Variants in RFTN1 observed in about 807,000 individuals in gnomAD.
The protein encoded by RFTN1 is raftlin, lipid raft linker 1.
Under a neutral mutation model 46.5 loss-of-function variants are expected in RFTN1, and 26 were observed. The ratio of observed to expected loss-of-function variants is 0.56; its 90% CI spans 0.41 to 0.78. The LOEUF (loss-of-function observed/expected upper bound fraction) is 0.78, where lower values mean the gene tolerates loss of function less well. RFTN1 is among the 30% of genes least tolerant of loss of function. The pLI is 0.00. For missense variants in RFTN1, 693 were observed against 718.7 expected (o/e 0.96, Z 0.41); for synonymous variants, 261 against 284.2 (o/e 0.92, Z 0.82).
In RFTN1 at chr3:16,406,390, C is replaced by T. The variant is rs143483002; in HGVS notation, c.441+2985G>A. Among the ~76,000 whole-genome samples the T allele has an allele frequency of 1.5e-3, 230 of 152,220 alleles. 2 individuals carry two copies. Among genetic ancestry groups the T allele is most frequent in the African/African-American group, 5.2e-3 (217 of 41,526 alleles). ...CAGCCCTGTCCACTAACAGACAATG[C>T]GGGGGCAAACGGTGGGGCAACCTCA... On this transcript the variant is annotated intron_variant, in intron 4 of 9. Transcript: ENST00000334133.
At chr3:16,403,651 TAATA>T (rs1464069017) in intron 4 of RFTN1, among the ~76,000 whole-genome samples, 7 of 50,240 alleles carry the variant, frequency 1.4e-4, no homozygotes, top group African/African-American at 6.0e-4. Context: ...AATATATATA[TAATA>T]TATATTTTAT....
At chr3:16,367,810 C>T (rs1369165500) in intron 6 of RFTN1, among the ~76,000 whole-genome samples, 2 of 152,152 alleles carry the variant, frequency 1.3e-5, no homozygotes, top group African/African-American at 2.4e-5. Context: ...GGTAGAGGAA[C>T]AGCAAATGGG....
At chr3:16,397,946 TC>T (rs1283589339) in intron 4 of RFTN1, among the ~76,000 whole-genome samples, 1 of 152,118 alleles carries the variant, frequency 6.6e-6, no homozygotes, top group African/African-American at 2.4e-5. Context: ...GAGCCTTGAC[TC>T]TTTTAAGAAG....
At chr3:16,405,836 C>T (rs1212271759) in intron 4 of RFTN1, among the ~76,000 whole-genome samples, 1 of 152,170 alleles carries the variant, frequency 6.6e-6, no homozygotes, top group Non-Finnish European at 1.5e-5. Flanking sequence ...ATTACCATCT[C>T]ATCCTAAGAT....
chr3:16,409,345 C>CT (rs780922590), intron 4 of RFTN1, 30 bp downstream of exon 4: 24 of 1,475,996 alleles, frequency 1.6e-5, no homozygotes, highest in Non-Finnish European at 2.3e-5. Context: ...TCGCAAACCT[C>CT]TTCAATGGTA....
At chr3:16,378,765 A>C (rs1283881719) in intron 4 of RFTN1, among the ~76,000 whole-genome samples, 2 of 150,636 alleles carry the variant, frequency 1.3e-5, no homozygotes, top group Non-Finnish European at 2.9e-5. Context: ...GCCCACAGCC[A>C]CAGACTGACT....
chr3:16,324,224 G>C (rs1574960503), intron 8 of RFTN1, among the ~76,000 whole-genome samples: 1 of 152,032 alleles, frequency 6.6e-6, no homozygotes, highest in African/African-American at 2.4e-5. Flanking sequence ...TTACAATGTG[G>C]ACTGATTAAA....
At chr3:16,467,931 T>C (rs1559361920) in intron 2 of RFTN1, among the ~76,000 whole-genome samples, 1 of 152,112 alleles carries the variant, frequency 6.6e-6, no homozygotes, top group Admixed American at 6.5e-5. Flanking sequence ...AGAGTACACT[T>C]TGGGGAAAGA....
intron 2 of RFTN1, among the ~76,000 whole-genome samples, chr3:16,445,115 A>G (rs931271792): frequency 3.9e-5 from 6 of 152,236 alleles, no homozygotes; most frequent in Non-Finnish European, 1.5e-5. Context: ...ATGTTAAGTG[A>G]GGACTTACTA....
chr3:16,329,888 G>A lies in RFTN1; in HGVS notation c.1147-3012C>T, dbSNP rs958941954. Among the ~76,000 whole-genome samples the A allele has an allele frequency of 2.0e-5, 3 of 152,080 alleles. No homozygotes were observed. The highest frequency in any genetic ancestry group is 7.2e-5 in the African/African-American group (3 of 41,402). On this transcript the variant is annotated intron_variant, in intron 7 of 9. Coordinates refer to ENST00000334133, the MANE Select transcript of RFTN1 (RefSeq NM_015150.2). This position sits in a 1 kb window ranked among gnomAD's most constrained non-coding sequence, Gnocchi z 4.5. ...GTCCTTTTATTGGTGGCTGCATCTC[G>A]GGCCAGGTTTTCTCTGCGGGCACCC...
Position 16,468,630 on chromosome 3 carries a change from G to GT in RFTN1, c.145+25094dup, listed in dbSNP as rs1252692721. On this transcript the variant is annotated intron_variant, in intron 2 of 9. Coordinates refer to ENST00000334133, the MANE Select transcript of RFTN1 (RefSeq NM_015150.2). This position sits in a 1 kb window ranked among gnomAD's most constrained non-coding sequence, Gnocchi z 4.4. ...TCCTCACGTACAACCCAGCGTTTGA[G>GT]TAAAAAAAAAAAAAAAAAAAACTTT... Among the ~76,000 whole-genome samples the GT allele has an allele frequency of 1.9e-5, 2 of 104,916 alleles. No homozygotes were observed. The highest frequency in any genetic ancestry group is 4.1e-5 in the African/African-American group (1 of 24,254). 68.8% of individuals were successfully genotyped at this position (104,916 alleles called of 152,430 possible).
At chr3:16,359,025 C>T (rs2072652781) in intron 6 of RFTN1, among the ~76,000 whole-genome samples, 2 of 117,770 alleles carry the variant, frequency 1.7e-5, no homozygotes, top group African/African-American at 6.6e-5. Flanking sequence ...GAGCGAGATT[C>T]TGTCTCCAAA....
chr3:16,502,317 C>T (rs995304805), intron 1 of RFTN1, among the ~76,000 whole-genome samples: 2 of 151,160 alleles, frequency 1.3e-5, no homozygotes, highest in Non-Finnish European at 2.9e-5. Flanking sequence ...GCCATGATCT[C>T]GCCACTGCAT....
chr3:16,455,973 GC>G (rs2075898315), intron 2 of RFTN1, among the ~76,000 whole-genome samples: 1 of 46,448 alleles, frequency 2.2e-5, no homozygotes, highest in South Asian at 8.9e-4. Flanking sequence ...CCCTCCCACC[GC>G]CCCCACCCCC....
intron 7 of RFTN1, among the ~76,000 whole-genome samples, chr3:16,332,126 T>TGGC (rs1347378152): frequency 6.6e-6 from 1 of 152,226 alleles, no homozygotes; most frequent in African/African-American, 2.4e-5. Flanking sequence ...GTTCACCTGA[T>TGGC]GGCCTTGCAA....
rs1363078192 is a variant in RFTN1, at chr3:16,433,934, G to T, written c.249C>A (p.His83Gln). 6.2e-7 allele frequency: 1 copy of T among 1,614,036 alleles called. No individual in the cohort carries two copies. The highest frequency in any genetic ancestry group is 8.5e-7 in the Non-Finnish European group (1 of 1,180,014). The change falls in exon 3 of 10, where the codon CAC (histidine) becomes CAA (glutamine). Residue 83 changes from histidine to glutamine, a missense_variant. His to Gln is a conservative substitution (Grantham distance 24). Coordinates refer to ENST00000334133, the MANE Select transcript of RFTN1 (RefSeq NM_015150.2). This position sits in a 1 kb window ranked among gnomAD's most constrained non-coding sequence, Gnocchi z 4.4. ...YQQGFSLAAL[H>Q]PFVQPTHERE... is the part of the protein sequence containing the mutation. The stretch of plus-strand genomic sequence containing the variant: ...GCTCATGGGTGGGCTGCACGAAGGG[G>T]TGCAGGGCCGCCAGCGAGAAGCCCT...
In RFTN1 at chr3:16,345,788, C is replaced by CTGTCTG. The variant is rs765619275; in HGVS notation, c.1146+12143_1146+12144insCAGACA. 0.02 allele frequency among the ~76,000 whole-genome samples: 2,597 copies of CTGTCTG among 126,814 alleles called. 29 individuals carry two copies. Among genetic ancestry groups the CTGTCTG allele is most frequent in the East Asian group, 0.03 (135 of 4,508 alleles). The allele number at this position is 126,814 out of a possible 152,430, so 83.2% of individuals were successfully genotyped here. A position where few individuals can be genotyped will look rare whatever the true frequency, so the allele number is the denominator to read the frequency against. On this transcript the variant is annotated intron_variant, in intron 7 of 9. Coordinates refer to ENST00000334133, the MANE Select transcript of RFTN1 (RefSeq NM_015150.2). The surrounding 1 kb of genome is among the most constrained non-coding windows in gnomAD (Gnocchi z 5.2). ...TGAGCCAAAACCTTATAATAAATCT[C>CTGTCTG]TGTGTGTGTGTGTGTGTGTGTGTGT...
chr3:16,434,783 C>T (rs1208706814), intron 2 of RFTN1: 2 of 152,124 alleles, frequency 1.3e-5, no homozygotes, highest in African/African-American at 4.8e-5. Context: ...AACAAAATTT[C>T]TGTGACCCTT....
rs1370847595 is a variant in RFTN1, at chr3:16,440,502, C to A, written c.146-6465G>T. On this transcript the variant is annotated intron_variant, in intron 2 of 9. Transcript: ENST00000334133. This position sits in a 1 kb window ranked among gnomAD's most constrained non-coding sequence, Gnocchi z 4.6. ...AAGGACAATTCTCTCCTGGCTTCTC[C>A]CCTACCTGGGCAGGGGCAGAGTCTC... Among the ~76,000 whole-genome samples, 3 of 152,188 alleles carry A rather than the reference C, an allele frequency of 2.0e-5. No individual in the cohort carries two copies. Among genetic ancestry groups the A allele is most frequent in the Admixed American group, 1.3e-4 (2 of 15,288 alleles).
Sources: allele counts gnomAD v4.1 joint callset (sites outside exome capture counted in the v4.1 genomes callset), GRCh38; gene constraint gnomAD v4.1.1; non-coding constraint Gnocchi (gnomAD v3.1); transcripts MANE v1.5; gene names NCBI Gene and HGNC (gene_info 2026-07-23, HGNC 2026-07-21).